Variants in FOXO1 observed in about 807,000 individuals in gnomAD.
The protein encoded by FOXO1 is forkhead box O1.
FOXO1 carries 6 observed loss-of-function variants against 44.1 expected under a neutral mutation model. The ratio of observed to expected loss-of-function variants is 0.14; its 90% CI spans 0.07 to 0.27. The LOEUF is 0.27. Ranked by LOEUF, FOXO1 falls within the 10% of genes least tolerant of loss-of-function variation. The probability of loss-of-function intolerance (pLI) is 1.00; values close to 1 mark genes in which losing one functional copy is unlikely to be tolerated. For synonymous variants in FOXO1, 380 were observed against 362.7 expected (o/e 1.05, Z -0.54); for missense variants, 737 against 888.8 (o/e 0.83, Z 2.17).
At chr13:40,617,467 T>C (rs952800936) in intron 1 of FOXO1, among the ~76,000 whole-genome samples, 2 of 151,166 alleles carry the variant, frequency 1.3e-5, no homozygotes, top group African/African-American at 4.9e-5. Context: ...GAAAGGTTAC[T>C]AAGAATGTTT....
rs117905467 is a variant in FOXO1 at position 40,644,091 on chromosome 13, C to A, written c.630+21492G>T. Among the ~76,000 whole-genome samples the A allele has an allele frequency of 2.5e-3, 385 of 152,282 alleles. 5 individuals are homozygous for A. The highest frequency in any genetic ancestry group is 4.7e-3 in the Non-Finnish European group (321 of 68,028). On this transcript the variant is annotated intron_variant, in intron 1 of 2. Transcript: ENST00000379561. The stretch of plus-strand genomic sequence containing the variant: ...TCTGATCATTCTGACGTGACCCCAA[C>A]GTGAGTTTTGGAATACTGTAGTGAT...
chr13:40,574,015 C>T (rs370686957), intron 1 of FOXO1, among the ~76,000 whole-genome samples: 3 of 152,162 alleles, frequency 2.0e-5, no homozygotes, highest in South Asian at 2.1e-4. Flanking sequence ...ATTGTTTCAG[C>T]GTTTTCACTT....
At chr13:40,641,559 C>T (rs7989711) in intron 1 of FOXO1, among the ~76,000 whole-genome samples, 62,886 of 151,848 alleles carry the variant, frequency 0.41, 14,267 homozygotes, top group East Asian at 0.73. Flanking sequence ...ATTATTTAGC[C>T]GTTAATTTTA....
intron 1 of FOXO1, among the ~76,000 whole-genome samples, chr13:40,592,710 A>G (rs545434767): frequency 6.6e-6 from 1 of 152,318 alleles, no homozygotes; most frequent in South Asian, 2.1e-4. Flanking sequence ...TTAATAACTA[A>G]AACAGAATTT....
At chr13:40,611,266 T>C (rs531648138) in intron 1 of FOXO1, 65 of 314,052 alleles carry the variant, frequency 2.1e-4, no homozygotes, top group African/African-American at 1.4e-3. Flanking sequence ...ATCTTATTTG[T>C]TACCCAAAAC....
chr13:40,584,469 C>CAAAAAAAAAAA lies in FOXO1; in HGVS notation c.631-23620_631-23610dup, dbSNP rs55733141. Among the ~76,000 whole-genome samples, 71 of 63,112 alleles carry CAAAAAAAAAAA rather than the reference C, an allele frequency of 1.1e-3. 7 individuals carry two copies. The highest frequency in any genetic ancestry group is 1.3e-3 in the Non-Finnish European group (51 of 37,882). 41.4% of individuals were successfully genotyped at this position (63,112 alleles called of 152,430 possible). ...AGAAATTCTATCTCCACAAAAAATG[C>CAAAAAAAAAAA]AAAAAAAAAAAAAAAAAAAAAAAAA... On this transcript the variant is annotated intron_variant, in intron 1 of 2. Transcript: ENST00000379561.
At chr13:40,641,246 GAGGAAACCAC>G (rs2137923153) in intron 1 of FOXO1, among the ~76,000 whole-genome samples, 1 of 152,210 alleles carries the variant, frequency 6.6e-6, no homozygotes, top group African/African-American at 2.4e-5. Flanking sequence ...TCCATCTGGT[GAGGAAACCAC>G]AGGCAACTCC....
At chr13:40,625,570 T>C (rs907925835) in intron 1 of FOXO1, among the ~76,000 whole-genome samples, 10 of 152,176 alleles carry the variant, frequency 6.6e-5, no homozygotes, top group Non-Finnish European at 1.5e-4. Flanking sequence ...GTTATTAGCT[T>C]AGACTCAATT....
At chr13:40,623,061 C>A (rs1344850568) in intron 1 of FOXO1, among the ~76,000 whole-genome samples, 1 of 151,432 alleles carries the variant, frequency 6.6e-6, no homozygotes, top group Admixed American at 6.6e-5. Context: ...ACTATTAAAT[C>A]AAAACAAAAC....
At chr13:40,592,682 A>G (rs1241418970) in intron 1 of FOXO1, among the ~76,000 whole-genome samples, 19 of 152,234 alleles carry the variant, frequency 1.2e-4, no homozygotes, top group Admixed American at 1.2e-3. Context: ...TACTTAGCAC[A>G]GTCAGGAAAC....
chr13:40,646,612 T>G (rs1199632323), intron 1 of FOXO1, among the ~76,000 whole-genome samples: 11 of 152,226 alleles, frequency 7.2e-5, no homozygotes, highest in African/African-American at 2.7e-4. Context: ...CGTTTTGTTT[T>G]GAGACGGAGT....
At chr13:40,567,858 C>T (rs534624065) in intron 1 of FOXO1, among the ~76,000 whole-genome samples, 30 of 151,956 alleles carry the variant, frequency 2.0e-4, no homozygotes, top group Non-Finnish European at 4.1e-4. Context: ...GTCCCAGGTA[C>T]TCGGGAGACT....
At chr13:40,650,917 G>C (rs1257399687) in intron 1 of FOXO1, among the ~76,000 whole-genome samples, 3 of 151,992 alleles carry the variant, frequency 2.0e-5, no homozygotes, top group Non-Finnish European at 4.4e-5. Flanking sequence ...ACCATGCCCA[G>C]CTAATTTGTG....
intron 1 of FOXO1, among the ~76,000 whole-genome samples, chr13:40,624,444 A>T (rs1876721144): frequency 6.6e-6 from 1 of 152,154 alleles, no homozygotes; most frequent in South Asian, 2.1e-4. Context: ...TAACATCTAA[A>T]AATTGTGCTT....
At chr13:40,586,149 G>C (rs1875155696) in intron 1 of FOXO1, among the ~76,000 whole-genome samples, 1 of 152,218 alleles carries the variant, frequency 6.6e-6, no homozygotes, top group Non-Finnish European at 1.5e-5. Context: ...AACCAATTGA[G>C]AGGATTGTGG....
intron 1 of FOXO1, among the ~76,000 whole-genome samples, chr13:40,658,925 T>C (rs1294352941): frequency 6.6e-6 from 1 of 151,932 alleles, no homozygotes; most frequent in African/African-American, 2.4e-5. Context: ...GGCAGGAGAA[T>C]AGCGTGAACC....
intron 1 of FOXO1, among the ~76,000 whole-genome samples, chr13:40,664,952 C>T (rs1339059573): frequency 1.3e-5 from 2 of 151,948 alleles, no homozygotes; most frequent in East Asian, 1.9e-4. Context: ...CCACCTCGGG[C>T]TCGGGACGCC....
chr13:40,660,975 C>CAA (rs1878017045), intron 1 of FOXO1, among the ~76,000 whole-genome samples: 1 of 148,916 alleles, frequency 6.7e-6, no homozygotes, highest in South Asian at 2.1e-4. Flanking sequence ...ACAACAACAA[C>CAA]AACAACAACA....
rs199953664 is a variant in FOXO1, at chr13:40,559,672, T to C, written c.1819A>G (p.Ile607Val). 8.1e-6 allele frequency: 13 copies of C among 1,614,210 alleles called. No individual in the cohort carries two copies. Among genetic ancestry groups the C allele is most frequent in the Non-Finnish European group, 1.1e-5 (13 of 1,180,030 alleles). The change falls in exon 2 of 3, where the codon ATT becomes GTT. Residue 607 changes from isoleucine (I) to valine (V), a missense_variant. Physicochemically the swap from Ile to Val is conservative, Grantham distance 29. Coordinates refer to ENST00000379561, the MANE Select transcript of FOXO1 (RefSeq NM_002015.4). ...TCCATGTCACAGTCTAAGCGCTCAA[T>C]GAACATGCCATCCAAGTCACTTGGG... ...KLPSDLDGMFIERLDCDMESI... is the reference protein window; with the variant it reads ...KLPSDLDGMFVERLDCDMESI...
Sources: allele counts gnomAD v4.1 joint callset (sites outside exome capture counted in the v4.1 genomes callset), GRCh38; gene constraint gnomAD v4.1.1; transcripts MANE v1.5; gene names NCBI Gene and HGNC (gene_info 2026-07-23, HGNC 2026-07-21).